ADARB2: variants seen among roughly 807,000 people sequenced by gnomAD.
The protein encoded by ADARB2 is inactive double-stranded RNA-specific editase B2.
Under a neutral mutation model 62.2 loss-of-function variants are expected in ADARB2, and 25 were observed. The observed-to-expected ratio is 0.40, with a 90% CI of 0.29 to 0.56. The LOEUF (loss-of-function observed/expected upper bound fraction) is 0.56, where lower values mean the gene tolerates loss of function less well. Among genes scored for constraint, ADARB2 ranks in the 20% least tolerant of loss-of-function variants. The pLI is 0.43. For synonymous variants in ADARB2, 572 were observed against 500.8 expected (o/e 1.14, Z -1.90); for missense variants, 1,071 against 1,077.4 (o/e 0.99, Z 0.08).
At chr10:1,332,050 A>G (rs1470716220) in intron 3 of ADARB2, among the ~76,000 whole-genome samples, 1 of 152,188 alleles carries the variant, frequency 6.6e-6, no homozygotes, top group Non-Finnish European at 1.5e-5. Flanking sequence ...GCCATCTGCC[A>G]TTTTCTTCAG....
chr10:1,274,991 C>T (rs1831300459), intron 3 of ADARB2, among the ~76,000 whole-genome samples: 1 of 152,198 alleles, frequency 6.6e-6, no homozygotes, highest in African/African-American at 2.4e-5. Flanking sequence ...TGGAGGGGGG[C>T]CCGTGGTGGA....
chr10:1,202,151 C>T (rs1316958469), intron 7 of ADARB2, among the ~76,000 whole-genome samples: 1 of 151,902 alleles, frequency 6.6e-6, no homozygotes, highest in Non-Finnish European at 1.5e-5. Flanking sequence ...CCATATTGCC[C>T]AGGTTGGTCT....
At chr10:1,685,445 G>C (rs1368861728) in intron 1 of ADARB2, among the ~76,000 whole-genome samples, 1 of 152,124 alleles carries the variant, frequency 6.6e-6, no homozygotes, top group African/African-American at 2.4e-5. Context: ...CTGACACATG[G>C]AATTCTAAAT....
intron 1 of ADARB2, among the ~76,000 whole-genome samples, chr10:1,470,558 G>A (rs1831308160): frequency 1.3e-5 from 2 of 152,304 alleles, no homozygotes; most frequent in South Asian, 4.1e-4. Flanking sequence ...CAGGAATTCT[G>A]GGAGCCCTTT....
intron 6 of ADARB2, among the ~76,000 whole-genome samples, chr10:1,223,009 T>C (rs1564226113): frequency 6.6e-6 from 1 of 152,184 alleles, no homozygotes; most frequent in East Asian, 1.9e-4. Context: ...CCTTGGGCAA[T>C]ATGGCCTTTT....
At chr10:1,484,543 C>T (rs371297589) in intron 1 of ADARB2, among the ~76,000 whole-genome samples, 6 of 152,214 alleles carry the variant, frequency 3.9e-5, no homozygotes, top group African/African-American at 1.2e-4. Context: ...TGGGAAGAAG[C>T]TTAAGCCATT....
intron 1 of ADARB2, among the ~76,000 whole-genome samples, chr10:1,524,270 C>T (rs942225572): frequency 6.6e-6 from 1 of 152,204 alleles, no homozygotes; most frequent in Non-Finnish European, 1.5e-5. Context: ...TACTAAGCCT[C>T]ACAGGTGTTT....
chr10:1,514,202 T>TATATATATA (rs376354957), intron 1 of ADARB2, among the ~76,000 whole-genome samples: 14 of 116,854 alleles, frequency 1.2e-4, no homozygotes, highest in East Asian at 2.9e-4. Flanking sequence ...TATATGTATA[T>TATATATATA]TATATAAAAT....
At chr10:1,375,622 T>C (rs1473305973) in intron 2 of ADARB2, among the ~76,000 whole-genome samples, 1 of 152,230 alleles carries the variant, frequency 6.6e-6, no homozygotes, top group Non-Finnish European at 1.5e-5. Context: ...TTGGAGCCCT[T>C]AGACACACAG....
chr10:1,356,555 C>G (rs534850844), intron 3 of ADARB2, among the ~76,000 whole-genome samples: 30 of 152,310 alleles, frequency 2.0e-4, no homozygotes, highest in African/African-American at 7.0e-4. Flanking sequence ...TCCCAGGGCA[C>G]TTAGCTGACC....
rs141801190 is a variant in ADARB2 at position 1,478,073 on chromosome 10, C to A, written c.101-98913G>T. On this transcript the variant is annotated intron_variant, in intron 1 of 9. Transcript: ENST00000381312. ...CCTTTACTGAGCTGTGAGTGAGGATCTGGGCCTGCAAAGCCAAAGGAGACG... is the reference window on the plus strand; with the variant it reads ...CCTTTACTGAGCTGTGAGTGAGGATATGGGCCTGCAAAGCCAAAGGAGACG... Among the ~76,000 whole-genome samples the A allele has an allele frequency of 4.9e-3, 751 of 152,358 alleles. 4 individuals carry two copies. The highest frequency in any genetic ancestry group is 7.3e-3 in the Non-Finnish European group (496 of 68,036).
rs1281949548 is a variant in ADARB2 at position 1,398,019 on chromosome 10, C to T, written c.101-18859G>A. Among the ~76,000 whole-genome samples, 4 of 139,342 alleles carry T rather than the reference C, an allele frequency of 2.9e-5. No individual in the cohort carries two copies. Among genetic ancestry groups the T allele is most frequent in the Admixed American group, 2.8e-4 (4 of 14,338 alleles). The allele number at this position is 139,342 out of a possible 152,430, so 91.4% of individuals were successfully genotyped here. The stretch of plus-strand genomic sequence containing the variant: ...GGGTCACCGTCCTCCTCTCCCCTCC[C>T]GAGTGCAGGCTTCCTGGGTCACCGT... On this transcript the variant is annotated intron_variant, in intron 1 of 9. Coordinates refer to ENST00000381312, the MANE Select transcript of ADARB2 (RefSeq NM_018702.4). The surrounding 1 kb of genome is among the most constrained non-coding windows in gnomAD (Gnocchi z 4.1).
intron 4 of ADARB2, among the ~76,000 whole-genome samples, chr10:1,257,797 G>T (rs1190339393): frequency 6.6e-6 from 1 of 152,194 alleles, no homozygotes; most frequent in African/African-American, 2.4e-5. Flanking sequence ...CAGTGTTTCC[G>T]CAGGGAAGTC....
At chr10:1,512,423 C>A (rs1831948521) in intron 1 of ADARB2, among the ~76,000 whole-genome samples, 1 of 152,174 alleles carries the variant, frequency 6.6e-6, no homozygotes, top group Admixed American at 6.5e-5. Flanking sequence ...TAAGTCTACA[C>A]TGGATACCAA....
Position 1,363,388 on chromosome 10 carries a change from G to A in ADARB2, c.717C>T (p.Gly239=), listed in dbSNP as rs1412580865. 6.6e-5 allele frequency: 88 copies of A among 1,336,572 alleles called. No homozygotes were observed. The highest frequency in any genetic ancestry group is 7.7e-5 in the Non-Finnish European group (80 of 1,042,556). 82.8% of individuals were successfully genotyped at this position (1,336,572 alleles called of 1,614,324 possible). Residue 239 remains glycine (G), a synonymous_variant, in exon 3 of 10, where the codon GGC becomes GGT. Coordinates refer to ENST00000381312, the MANE Select transcript of ADARB2 (RefSeq NM_018702.4). Reference sequence around the variant, plus strand: ...ACAGAAGCGCGGCGTCCCCGGGGCGGCCTCCCGCGAGTCCGGGGCGCGGCG... The same window carrying A: ...ACAGAAGCGCGGCGTCCCCGGGGCGACCTCCCGCGAGTCCGGGGCGCGGCG... ...PPAPRPGLAG[G]RPGDAALLSA...
At chr10:1,613,023 C>T (rs1377645607) in intron 1 of ADARB2, among the ~76,000 whole-genome samples, 1 of 152,236 alleles carries the variant, frequency 6.6e-6, no homozygotes, top group Non-Finnish European at 1.5e-5. Context: ...TCTAGAGTTA[C>T]AGCCCACATG....
rs1030775059 is a variant in ADARB2 at position 1,398,469 on chromosome 10, G to A, written c.101-19309C>T. Among the ~76,000 whole-genome samples, 2 of 151,978 alleles carry A rather than the reference G, an allele frequency of 1.3e-5. No individual in the cohort carries two copies. Among genetic ancestry groups the A allele is most frequent in the African/African-American group, 4.8e-5 (2 of 41,378 alleles). On this transcript the variant is annotated intron_variant, in intron 1 of 9. Transcript: ENST00000381312. The surrounding 1 kb of genome is among the most constrained non-coding windows in gnomAD (Gnocchi z 4.1). ...CTCCCACTCGCTCCTGTTTTTCAGGGCCCCTCCTCTCCCTGTGGAGCTCCA... is the reference window on the plus strand; with the variant it reads ...CTCCCACTCGCTCCTGTTTTTCAGGACCCCTCCTCTCCCTGTGGAGCTCCA...
chr10:1,224,458 C>G (rs1031324485), intron 6 of ADARB2, among the ~76,000 whole-genome samples: 2 of 151,598 alleles, frequency 1.3e-5, no homozygotes, highest in Non-Finnish European at 2.9e-5. Context: ...TATTTCTTGC[C>G]TTCTGCTAGC....
chr10:1,261,044 C>G (rs1247225595), intron 4 of ADARB2, among the ~76,000 whole-genome samples: 1 of 74,476 alleles, frequency 1.3e-5, no homozygotes, highest in Non-Finnish European at 2.6e-5. Flanking sequence ...GAAAAACAAG[C>G]AATGGGGAAA....
Sources: allele counts gnomAD v4.1 joint callset (sites outside exome capture counted in the v4.1 genomes callset), GRCh38; gene constraint gnomAD v4.1.1; non-coding constraint Gnocchi (gnomAD v3.1); transcripts MANE v1.5; gene names NCBI Gene and HGNC (gene_info 2026-07-23, HGNC 2026-07-21).